NME7: variants seen among roughly 807,000 people sequenced by gnomAD.
NME7 encodes the protein NME/NM23 family member 7.
Under a neutral mutation model 49.1 loss-of-function variants are expected in NME7, and 41 were observed. That is an observed-to-expected ratio of 0.83 (90% confidence interval 0.65 to 1.08). The LOEUF (loss-of-function observed/expected upper bound fraction) is 1.08. Among genes scored for constraint, NME7 ranks in the 50% least tolerant of loss-of-function variants. The probability of loss-of-function intolerance (pLI) is 0.00; values close to 1 mark genes in which losing one functional copy is unlikely to be tolerated. For missense variants in NME7, 423 were observed against 463.4 expected, an observed-to-expected ratio of 0.91 and a Z score of 0.80; for synonymous variants, 139 against 150.6, an observed-to-expected ratio of 0.92 and a Z score of 0.56.
intron 7 of NME7, among the ~76,000 whole-genome samples, chr1:169,245,628 A>C (rs1315828202): frequency 6.6e-6 from 1 of 152,226 alleles, no homozygotes; most frequent in Admixed American, 6.5e-5. Context: ...TTTAATATTA[A>C]TAACCATAAC....
chr1:169,283,252 G>C (rs527997379), intron 7 of NME7, among the ~76,000 whole-genome samples: 3 of 152,198 alleles, frequency 2.0e-5, no homozygotes, highest in Non-Finnish European at 4.4e-5. Context: ...TGTTTTATCA[G>C]AGATTCGGAT....
At position 169,201,433 on chromosome 1, in the gene NME7, G is replaced by C. The variant is rs570939460; in HGVS notation, c.990+29285C>G. ...CAGGCAGCAGTGTGGTTACAGAATT[G>C]CAGTGAAGTAATTCTGAAGGTATGG... On this transcript the variant is annotated intron_variant, in intron 10 of 11. Coordinates refer to ENST00000367811, the MANE Select transcript of NME7 (RefSeq NM_013330.5). Among the ~76,000 whole-genome samples, 103 of 152,186 alleles carry C rather than the reference G, an allele frequency of 6.8e-4. 1 individual carries two copies. Among genetic ancestry groups the C allele is most frequent in the African/African-American group, 2.3e-3 (95 of 41,520 alleles).
chr1:169,279,947 G>T (rs1649934696), intron 7 of NME7, among the ~76,000 whole-genome samples: 1 of 152,216 alleles, frequency 6.6e-6, no homozygotes, highest in African/African-American at 2.4e-5. Context: ...CTTTACAGCA[G>T]AATGATTTAT....
At chr1:169,325,252 T>C (rs1652018482) in intron 1 of NME7, among the ~76,000 whole-genome samples, 1 of 151,994 alleles carries the variant, frequency 6.6e-6, no homozygotes, top group Non-Finnish European at 1.5e-5. Context: ...TGTAAGCCCA[T>C]CAGGAAGTGC....
chr1:169,292,425 C>A (rs1448167964), intron 6 of NME7, among the ~76,000 whole-genome samples: 1 of 152,126 alleles, frequency 6.6e-6, no homozygotes, highest in African/African-American at 2.4e-5. Flanking sequence ...CAAATCATAT[C>A]TCTGGATAAA....
intron 6 of NME7, among the ~76,000 whole-genome samples, chr1:169,293,729 T>C (rs772346728): frequency 1.1e-4 from 16 of 152,174 alleles, no homozygotes; most frequent in Non-Finnish European, 1.6e-4. Context: ...AAATCTGTGC[T>C]AAGATTTTGA....
At chr1:169,209,632 G>A (rs867200296) in intron 10 of NME7, among the ~76,000 whole-genome samples, 8 of 152,054 alleles carry the variant, frequency 5.3e-5, no homozygotes, top group African/African-American at 1.7e-4. Context: ...CATAGCCACA[G>A]AGCTTTTTAA....
intron 10 of NME7, among the ~76,000 whole-genome samples, chr1:169,208,346 T>G (rs538689826): frequency 6.6e-6 from 1 of 152,254 alleles, no homozygotes; most frequent in Admixed American, 6.5e-5. Flanking sequence ...AGTCTGTAAA[T>G]GTTTGGTTGG....
chr1:169,281,677 T>C (rs913748478), intron 7 of NME7, among the ~76,000 whole-genome samples: 1 of 152,226 alleles, frequency 6.6e-6, no homozygotes, highest in Non-Finnish European at 1.5e-5. Context: ...TGCTGAATTT[T>C]ATTGAAGGCC....
At chr1:169,168,354 A>G (rs1200085) in intron 11 of NME7, among the ~76,000 whole-genome samples, 96,541 of 152,022 alleles carry the variant, frequency 0.64, 30,979 homozygotes, top group East Asian at 0.93. Flanking sequence ...GAAGAGGCAG[A>G]TACTGAGGTT....
chr1:169,147,891 G>C (rs1658804381), intron 11 of NME7, among the ~76,000 whole-genome samples: 1 of 152,170 alleles, frequency 6.6e-6, no homozygotes, highest in African/African-American at 2.4e-5. Context: ...GAAGGATATA[G>C]CGATTGTTAT....
At chr1:169,211,035 A>G (rs1660802262) in intron 10 of NME7, among the ~76,000 whole-genome samples, 3 of 151,922 alleles carry the variant, frequency 2.0e-5, no homozygotes, top group Admixed American at 6.6e-5. Context: ...GTTCAGCTCC[A>G]GATCATTAGT....
At position 169,198,491 on chromosome 1, in the gene NME7, T is replaced by G. The variant is rs10919091; in HGVS notation, c.991-28937A>C. 4.5e-3 allele frequency among the ~76,000 whole-genome samples: 682 copies of G among 152,112 alleles called. 5 individuals are homozygous for G. Among genetic ancestry groups the G allele is most frequent in the Middle Eastern group, 0.014 (4 of 294 alleles). ...TCATTTGATGAAAGAATAAACAAAA[T>G]CTGGTATATCCATACAATGGATTAT... On this transcript the variant is annotated intron_variant, in intron 10 of 11. Transcript: ENST00000367811.
chr1:169,282,592 A>G (rs1030341562), intron 7 of NME7, among the ~76,000 whole-genome samples: 7 of 152,210 alleles, frequency 4.6e-5, no homozygotes, highest in Admixed American at 1.3e-4. Context: ...ATTTAGAGCT[A>G]TAATTTTCCA....
chr1:169,349,163 G>A (rs940312713), intron 1 of NME7, among the ~76,000 whole-genome samples: 2 of 152,086 alleles, frequency 1.3e-5, no homozygotes, highest in Non-Finnish European at 2.9e-5. Flanking sequence ...AAAAGTGAGA[G>A]CAAGTTTATT....
At chr1:169,231,032 A>T (rs1647591998) in intron 9 of NME7, among the ~76,000 whole-genome samples, 1 of 152,192 alleles carries the variant, frequency 6.6e-6, no homozygotes, top group African/African-American at 2.4e-5. Flanking sequence ...ATCACATTTT[A>T]ATATAATGCT....
intron 7 of NME7, among the ~76,000 whole-genome samples, chr1:169,238,808 C>A (rs938286239): frequency 3.9e-5 from 6 of 152,084 alleles, no homozygotes; most frequent in African/African-American, 1.4e-4. Flanking sequence ...CAGGCTCATG[C>A]CTAACTCAGA....
At chr1:169,282,889 G>A (rs1650082220) in intron 7 of NME7, among the ~76,000 whole-genome samples, 2 of 152,260 alleles carry the variant, frequency 1.3e-5, no homozygotes, top group South Asian at 4.1e-4. Flanking sequence ...TTTAGAATAA[G>A]TGTGATGAGG....
At chr1:169,337,176 TG>T (rs1652513075) in intron 1 of NME7, among the ~76,000 whole-genome samples, 1 of 152,118 alleles carries the variant, frequency 6.6e-6, no homozygotes, top group Non-Finnish European at 1.5e-5. Context: ...ACGGAGTGGG[TG>T]GGAGGCTCAG....
Sources: allele counts gnomAD v4.1 joint callset (sites outside exome capture counted in the v4.1 genomes callset), GRCh38; gene constraint gnomAD v4.1.1; transcripts MANE v1.5; gene names NCBI Gene and HGNC (gene_info 2026-07-23, HGNC 2026-07-21).